Variants in FRMD6 observed in about 807,000 individuals in gnomAD.
FRMD6 encodes FERM domain containing 6.
Under a neutral mutation model 73.2 loss-of-function variants are expected in FRMD6, and 37 were observed. The observed-to-expected ratio is 0.51, with a 90% CI of 0.39 to 0.66. FRMD6 has a LOEUF of 0.66. FRMD6 is among the 30% of genes least tolerant of loss of function. The pLI, the probability that FRMD6 is intolerant of heterozygous loss-of-function variation, is 0.00. For missense variants in FRMD6, 714 were observed against 780.5 expected, an observed-to-expected ratio of 0.91 and a Z score of 1.02; for synonymous variants, 273 against 282.2, an observed-to-expected ratio of 0.97 and a Z score of 0.33.
At chr14:51,625,935 G>A (rs1178345298) in intron 2 of FRMD6, among the ~76,000 whole-genome samples, 1 of 152,214 alleles carries the variant, frequency 6.6e-6, no homozygotes, top group African/African-American at 2.4e-5. Context: ...CCCCCGACCA[G>A]ACTATGAATA....
chr14:51,619,950 G>A (rs1375141194), intron 2 of FRMD6, among the ~76,000 whole-genome samples: 2 of 152,210 alleles, frequency 1.3e-5, no homozygotes, highest in African/African-American at 4.8e-5. Flanking sequence ...TAATTCCCCT[G>A]TAGTCTACAG....
chr14:51,651,715 G>T (rs1594658272), upstream of FRMD6: 2 of 151,782 alleles, frequency 1.3e-5, no homozygotes, highest in East Asian at 3.9e-4. Flanking sequence ...GGGCGGGGCG[G>T]GCGGGCGCTC....
chr14:51,546,940 G>A (rs1445372381), intron 1 of FRMD6: 3 of 151,424 alleles, frequency 2.0e-5, no homozygotes, highest in Non-Finnish European at 4.4e-5. Context: ...AACACCTCCT[G>A]CCAGGCAAAG....
intron 1 of FRMD6, among the ~76,000 whole-genome samples, chr14:51,517,464 A>G (rs1355146753): frequency 1.3e-5 from 2 of 152,190 alleles, no homozygotes; most frequent in East Asian, 3.9e-4. Context: ...TGTAGCTATT[A>G]TAGAAACCAA....
chr14:51,718,326 G>A (rs1897345333), intron 10 of FRMD6, among the ~76,000 whole-genome samples: 1 of 152,194 alleles, frequency 6.6e-6, no homozygotes, highest in Admixed American at 6.5e-5. Flanking sequence ...AGTGAATATA[G>A]AGGAACTATA....
intron 1 of FRMD6, among the ~76,000 whole-genome samples, chr14:51,670,372 A>C (rs949107423): frequency 2.0e-5 from 3 of 152,192 alleles, no homozygotes; most frequent in African/African-American, 7.2e-5. Context: ...ACCTGGCCTG[A>C]AATAATTTTA....
At chr14:51,615,257 A>C (rs145981068) in intron 2 of FRMD6, among the ~76,000 whole-genome samples, 283 of 152,304 alleles carry the variant, frequency 1.9e-3, no homozygotes, top group African/African-American at 6.6e-3. Context: ...TAGGATATGA[A>C]TTTTAATTTC....
At chr14:51,666,924 C>T (rs1301706177) in intron 1 of FRMD6, among the ~76,000 whole-genome samples, 1 of 152,094 alleles carries the variant, frequency 6.6e-6, no homozygotes, top group African/African-American at 2.4e-5. Flanking sequence ...TGCTGGAGCC[C>T]CGAAGTTTGA....
chr14:51,572,307 A>G (rs915422519), intron 2 of FRMD6, among the ~76,000 whole-genome samples: 2 of 152,240 alleles, frequency 1.3e-5, no homozygotes, highest in Admixed American at 6.5e-5. Flanking sequence ...CCTTACCTCT[A>G]TTCAATGTAC....
intron 10 of FRMD6, among the ~76,000 whole-genome samples, chr14:51,716,382 A>G (rs573385295): frequency 2.0e-5 from 3 of 152,262 alleles, no homozygotes; most frequent in Admixed American, 2.0e-4. Context: ...ATGTTGTAGT[A>G]ATATCTAACA....
chr14:51,503,855 GT>G (rs113090830), intron 1 of FRMD6, among the ~76,000 whole-genome samples: 59,026 of 147,080 alleles, frequency 0.4, 12,128 homozygotes, highest in East Asian at 0.51. Flanking sequence ...TTGGTTTTGG[GT>G]TTTTTTTTGG....
the FRMD6 span, among the ~76,000 whole-genome samples, chr14:51,437,527 C>A: frequency 2.6e-5 from 4 of 152,344 alleles, no homozygotes; most frequent in East Asian, 7.7e-4. Flanking sequence ...TGGCCTCAAT[C>A]TCCTGAACTT....
the FRMD6 span, among the ~76,000 whole-genome samples, chr14:51,455,704 A>G: frequency 2.0e-3 from 311 of 152,336 alleles, 2 homozygotes; most frequent in Non-Finnish European, 3.5e-3. Context: ...CTCAGGGTTA[A>G]TAGTCATAGA....
intron 1 of FRMD6, among the ~76,000 whole-genome samples, chr14:51,674,974 G>T (rs1429980506): frequency 6.6e-6 from 1 of 152,086 alleles, no homozygotes; most frequent in African/African-American, 2.4e-5. Context: ...AGAATAGATG[G>T]ATAATAATTG....
chr14:51,427,638 A>G, the FRMD6 span, among the ~76,000 whole-genome samples: 1 of 152,358 alleles, frequency 6.6e-6, no homozygotes, highest in East Asian at 1.9e-4. Flanking sequence ...ATTTTTACCT[A>G]AGACAGCCTT....
rs200026911 is a variant in FRMD6 at position 51,620,894 on chromosome 14, A to AC, written c.-147+50485dup. Among the ~76,000 whole-genome samples, 1,499 of 152,298 alleles carry AC rather than the reference A, an allele frequency of 9.8e-3. 73 individuals are homozygous for AC. Among genetic ancestry groups the AC allele is most frequent in the Admixed American group, 0.081 (1,237 of 15,280 alleles). On this transcript the variant is annotated intron_variant, in intron 2 of 14. Coordinates refer to the FRMD6 transcript ENST00000356218. Reference sequence around the variant, plus strand: ...GCCTTAGAGTGCTAGGCAGTGCACCACACTTGTCTTCAAGTTCTGATGTTC... The same window carrying AC: ...GCCTTAGAGTGCTAGGCAGTGCACCACCACTTGTCTTCAAGTTCTGATGTTC...
chr14:51,443,943 G>GT, the FRMD6 span, among the ~76,000 whole-genome samples: 203 of 140,702 alleles, frequency 1.4e-3, 5 homozygotes, highest in Admixed American at 2.7e-3. Flanking sequence ...CAAGTTGTGA[G>GT]TTTTTTTTTT....
intron 1 of FRMD6, among the ~76,000 whole-genome samples, chr14:51,680,787 C>T (rs1246560014): frequency 1.3e-5 from 2 of 152,078 alleles, no homozygotes; most frequent in African/African-American, 2.4e-5. Flanking sequence ...CTATGATTTA[C>T]TAATCTGTTC....
intron 1 of FRMD6, among the ~76,000 whole-genome samples, chr14:51,508,928 C>T (rs1208882325): frequency 6.6e-6 from 1 of 152,104 alleles, no homozygotes; most frequent in Non-Finnish European, 1.5e-5. Flanking sequence ...ACCTCAAAAG[C>T]CAATGGAGTC....
Sources: allele counts gnomAD v4.1 joint callset (sites outside exome capture counted in the v4.1 genomes callset), GRCh38; gene constraint gnomAD v4.1.1; transcripts MANE v1.5; gene names NCBI Gene and HGNC (gene_info 2026-07-23, HGNC 2026-07-21).